Variants in C3 observed in about 807,000 individuals in gnomAD.
C3 encodes C3 and PZP-like alpha-2-macroglobulin domain-containing protein 1.
In C3, 97 loss-of-function variants were observed where a neutral mutation model predicts 207.9. The ratio of observed to expected loss-of-function variants is 0.47; its 90% CI spans 0.40 to 0.55. The LOEUF (loss-of-function observed/expected upper bound fraction) is 0.55, where lower values mean the gene tolerates loss of function less well. Among genes scored for constraint, C3 ranks in the 20% least tolerant of loss-of-function variants. C3 has a pLI of 0.00. For missense variants in C3, 1,684 were observed against 2,171.7 expected, an observed-to-expected ratio of 0.78 and a Z score of 4.46; for synonymous variants, 848 against 857.6, an observed-to-expected ratio of 0.99 and a Z score of 0.20.
At chr19:6,691,712 C>T (rs140155641) in intron 26 of C3, among the ~76,000 whole-genome samples, 36 of 152,154 alleles carry the variant, frequency 2.4e-4, no homozygotes, top group Non-Finnish European at 3.5e-4. Flanking sequence ...AGGCCGGGCG[C>T]GGTGGCTCAT....
intron 4 of C3, 85 bp downstream of exon 4, chr19:6,718,009 G>T: frequency 7.5e-7 from 1 of 1,330,866 alleles, no homozygotes; most frequent in Non-Finnish European, 1.1e-6. Flanking sequence ...ACCCCTTCCG[G>T]TGTGTCTTTC....
At chr19:6,690,831 G>A (rs566359071) in intron 26 of C3, 104 bp from the exon 27 acceptor site, 4 of 855,986 alleles carry the variant, frequency 4.7e-6, no homozygotes, top group East Asian at 2.6e-5. Flanking sequence ...GCAGGGCTGA[G>A]TCTCTTCTAG....
chr19:6,682,314 GC>G (rs1917886159), intron 33 of C3, 85 bp from the exon 34 acceptor site: 2 of 965,662 alleles, frequency 2.1e-6, no homozygotes, highest in Non-Finnish European at 3.4e-6. Context: ...GTCTGATCAG[GC>G]ACTGAGACTT....
chr19:6,709,611 T>TTGCCCCCCCC, intron 14 of C3, 73 bp downstream of exon 14: 93 of 1,109,286 alleles, frequency 8.4e-5, no homozygotes, highest in East Asian at 1.3e-4. Context: ...CCCTCTCCAG[T>TTGCCCCCCCC]CCCACCCACC....
chr19:6,688,435 T>G (rs1232034232), intron 27 of C3, among the ~76,000 whole-genome samples: 1 of 152,208 alleles, frequency 6.6e-6, no homozygotes, highest in East Asian at 1.9e-4. Flanking sequence ...GGCCTAATAT[T>G]TAGTTTTTAA....
chr19:6,699,247 T>TC (rs1239153962), intron 19 of C3, among the ~76,000 whole-genome samples: 3 of 150,762 alleles, frequency 2.0e-5, no homozygotes, highest in Admixed American at 6.6e-5. Flanking sequence ...TCTTTTCTTT[T>TC]TTTTTTTTGT....
chr19:6,700,802 T>C (rs959852835), intron 19 of C3, among the ~76,000 whole-genome samples: 84 of 90,294 alleles, frequency 9.3e-4, no homozygotes, highest in Admixed American at 3.2e-3. Context: ...AATATATAAT[T>C]ATATATTATA....
intron 4 of C3, among the ~76,000 whole-genome samples, chr19:6,715,509 A>G (rs1027861438): frequency 1.3e-5 from 2 of 152,326 alleles, no homozygotes; most frequent in African/African-American, 4.8e-5. Flanking sequence ...GAATGAATAA[A>G]TAAGTTTAAA....
Position 6,700,558 on chromosome 19 carries a change from ATG to A in C3, c.2440+1567_2440+1568del, listed in dbSNP as rs1404266113. On this transcript the variant is annotated intron_variant, in intron 19 of 40. Coordinates refer to ENST00000245907, the MANE Select transcript of C3 (RefSeq NM_000064.4). Reference sequence around the variant, plus strand: ...ATATTATATATGTAATATATAATATATGTAATATATGATATATTATATATGTA... The same window carrying A: ...ATATTATATATGTAATATATAATATATAATATATGATATATTATATATGTA... Among the ~76,000 whole-genome samples the A allele has an allele frequency of 5.6e-4, 20 of 35,496 alleles. 7 individuals carry two copies. The highest frequency in any genetic ancestry group is 7.9e-4 in the Non-Finnish European group (18 of 22,808). 23.3% of individuals were successfully genotyped at this position (35,496 alleles called of 152,430 possible).
In C3 at chr19:6,678,043, G is replaced by A; in HGVS notation, c.4851-20C>T. ...CTGAGGCTGGAGGGAAGAATGGCAG[G>A]TCAGGAAGGGGCGTGGTGTGGGCGT... is the stretch of plus-strand genomic sequence containing the variant. On this transcript the variant is annotated intron_variant, in intron 40 of 40. Transcript: ENST00000245907. The A allele has an allele frequency of 1.2e-6, 2 of 1,614,182 alleles. No individual in the cohort carries two copies. Among genetic ancestry groups the A allele is most frequent in the Non-Finnish European group, 1.7e-6 (2 of 1,180,024 alleles).
intron 4 of C3, among the ~76,000 whole-genome samples, chr19:6,715,428 A>G (rs1568227648): frequency 6.6e-6 from 1 of 152,088 alleles, no homozygotes; most frequent in Non-Finnish European, 1.5e-5. Context: ...GTGAGCTGTG[A>G]TTGTGCCACT....
chr19:6,686,810 A>T lies in C3; in HGVS notation c.3582T>A (p.Tyr1194Ter). The change falls in exon 28 of 41, where the codon TAT (tyrosine) becomes TAA (stop). Residue 1194 changes from tyrosine (Y) to a stop codon, truncating the protein, a stop_gained. Transcript: ENST00000245907. LOFTEE classifies it high-confidence loss of function. ...QRSYTVAIAGYALAQMGRLKG... is the reference protein window; with the variant it reads ...QRSYTVAIAG ...TCAGCCTGCCCATCTGGGCCAGAGC[A>T]TAGCCAGCAATGGCCACAGTGTAGG... 1 of 1,614,202 alleles carries T rather than the reference A, an allele frequency of 6.2e-7. No homozygotes were observed. The highest frequency in any genetic ancestry group is 1.3e-5 in the African/African-American group (1 of 75,060).
intron 4 of C3, chr19:6,717,727 TTGTG>T (rs889962356): frequency 1.4e-5 from 5 of 359,104 alleles, no homozygotes; most frequent in African/African-American, 1.3e-4. Flanking sequence ...GTGTATTGTG[TTGTG>T]TGTGTTGTGT....
At position 6,698,013 on chromosome 19, in the gene C3, ATT is replaced by A. The variant is rs771417559; in HGVS notation, c.2441-221_2441-220del. On this transcript the variant is annotated intron_variant, in intron 19 of 40. Coordinates refer to ENST00000245907, the MANE Select transcript of C3 (RefSeq NM_000064.4). ...ATTTATTATTATTATTATTATTATT[ATT>A]ATTATTATTATTAATTATTTGAGAC... is the stretch of plus-strand genomic sequence containing the variant. Among the ~76,000 whole-genome samples the A allele has an allele frequency of 5.5e-3, 504 of 91,452 alleles. 5 individuals carry two copies. The highest frequency in any genetic ancestry group is 0.014 in the African/African-American group (461 of 33,194). 60.0% of individuals were successfully genotyped at this position (91,452 alleles called of 152,430 possible). A position where few individuals can be genotyped will look rare whatever the true frequency, so the allele number is the denominator to read the frequency against.
intron 4 of C3, among the ~76,000 whole-genome samples, 170 bp from the exon 5 acceptor site, chr19:6,714,616 C>T (rs1967993561): frequency 6.6e-6 from 1 of 152,234 alleles, no homozygotes; most frequent in African/African-American, 2.4e-5. Flanking sequence ...CATCCCAGCA[C>T]TCTGGGAGGC....
In C3 at chr19:6,692,972, G is replaced by C. The variant is rs540886156; in HGVS notation, c.3342C>G (p.Pro1114=). ...GCGCATCCTCCTGGAAGACCCCGTC[G>C]GGCTTCTGCTTCTCCAGGATCAGCC... ...VKWLILEKQK[P]DGVFQEDAPV... is the part of the protein sequence containing the mutation. Residue 1114 remains proline, a synonymous_variant, in exon 26 of 41, where the codon CCC becomes CCG. Transcript: ENST00000245907. The C allele has an allele frequency of 9.9e-6, 16 of 1,614,134 alleles. No individual in the cohort carries two copies. The South Asian group carries it at 1.3e-4, about 13-fold the overall frequency.
rs1172500525 is a variant in C3, at chr19:6,700,468, ATG to A, written c.2440+1657_2440+1658del. On this transcript the variant is annotated intron_variant, in intron 19 of 40. Coordinates refer to ENST00000245907, the MANE Select transcript of C3 (RefSeq NM_000064.4). ...GATATATGTAATATATATGTTATAT[ATG>A]TAATATATAATATATGTAATATGAT... Among the ~76,000 whole-genome samples, 2 of 39,160 alleles carry A rather than the reference ATG, an allele frequency of 5.1e-5. 1 individual carries two copies. Among genetic ancestry groups the A allele is most frequent in the Non-Finnish European group, 7.3e-5 (2 of 27,276 alleles). The allele number at this position is 39,160 out of a possible 152,430, so 25.7% of individuals were successfully genotyped here. A position where few individuals can be genotyped will look rare whatever the true frequency, so the allele number is the denominator to read the frequency against.
intron 29 of C3, among the ~76,000 whole-genome samples, chr19:6,685,874 C>G (rs1374640867): frequency 6.6e-6 from 1 of 152,046 alleles, no homozygotes. Flanking sequence ...GAACCTGGGC[C>G]CTGAGAACAT....
intron 26 of C3, among the ~76,000 whole-genome samples, chr19:6,692,439 T>C (rs1918192017): frequency 1.3e-5 from 2 of 151,994 alleles, no homozygotes; most frequent in Non-Finnish European, 2.9e-5. Context: ...CCAACTGCTA[T>C]GTGGTGAGTG....
Sources: gnomAD v4.1 joint callset for allele counts (sites outside exome capture counted in the v4.1 genomes callset) on GRCh38, gnomAD v4.1.1 for gene constraint, MANE v1.5 for transcripts, NCBI Gene and HGNC (gene_info 2026-07-23, HGNC 2026-07-21) for gene names.